The following NEK1 variants were observed in gnomAD, a reference collection of about 807,000 sequenced individuals.
The protein encoded by NEK1 is NIMA related kinase 1, also known as serine/threonine-protein kinase Nek1.
Under a neutral mutation model 182.1 loss-of-function variants are expected in NEK1, and 137 were observed. The ratio of observed to expected loss-of-function variants is 0.75; its 90% CI spans 0.65 to 0.87. The LOEUF (loss-of-function observed/expected upper bound fraction) is 0.87. Among genes scored for constraint, NEK1 ranks in the 40% least tolerant of loss-of-function variants. The pLI is 0.00. For synonymous variants in NEK1, 513 were observed against 492.2 expected, an observed-to-expected ratio of 1.04 and a Z score of -0.56; for missense variants, 1,391 against 1,494.4, an observed-to-expected ratio of 0.93 and a Z score of 1.14.
intron 29 of NEK1, among the ~76,000 whole-genome samples, chr4:169,427,335 C>A (rs1333168279): frequency 6.6e-6 from 1 of 152,066 alleles, no homozygotes; most frequent in Non-Finnish European, 1.5e-5. Context: ...ATCGTGTTAG[C>A]CAGGATGGTC....
intron 19 of NEK1, among the ~76,000 whole-genome samples, chr4:169,531,783 G>A (rs950139050): frequency 1.3e-5 from 2 of 152,030 alleles, no homozygotes; most frequent in African/African-American, 4.8e-5. Context: ...GGTTCCATAG[G>A]GAAGACAGGC....
chr4:169,446,876 C>T (rs1740674201), intron 27 of NEK1, among the ~76,000 whole-genome samples: 1 of 151,766 alleles, frequency 6.6e-6, no homozygotes. Context: ...AGACAAAAAA[C>T]AATTGAAAAT....
chr4:169,602,641 C>A lies in NEK1; in HGVS notation c.-11G>T, dbSNP rs780000635. Reference sequence around the variant, plus strand: ...AACATACTTCTCCATGATTCTTTTTCTAAGGCATCTTTACAGATATGCTAG... The same window carrying A: ...AACATACTTCTCCATGATTCTTTTTATAAGGCATCTTTACAGATATGCTAG... On this transcript the variant is annotated 5_prime_UTR_variant, in exon 3 of 36. An upstream open reading frame in the 5' UTR loses its in-frame stop. Transcript: ENST00000507142. The A allele has an allele frequency of 7.0e-7, 1 of 1,432,976 alleles. No individual in the cohort carries two copies. Among genetic ancestry groups the A allele is most frequent in the South Asian group, 1.2e-5 (1 of 86,104 alleles). The allele number at this position is 1,432,976 out of a possible 1,614,324, so 88.8% of individuals were successfully genotyped here.
At chr4:169,538,481 CT>C (rs1316892820) in intron 18 of NEK1, among the ~76,000 whole-genome samples, 2 of 152,082 alleles carry the variant, frequency 1.3e-5, no homozygotes, top group Non-Finnish European at 2.9e-5. Flanking sequence ...TCCAATTTTA[CT>C]TTTGTGTCTT....
At chr4:169,554,914 ACT>A (rs1185992901) in intron 18 of NEK1, 1 of 152,098 alleles carries the variant, frequency 6.6e-6, no homozygotes, top group Non-Finnish European at 1.5e-5. Context: ...GTACATAGGA[ACT>A]CTCTGTACTT....
intron 11 of NEK1, among the ~76,000 whole-genome samples, chr4:169,577,715 C>A (rs1765935392): frequency 6.6e-6 from 1 of 151,982 alleles, no homozygotes; most frequent in Non-Finnish European, 1.5e-5. Context: ...GATTGCGCCA[C>A]TGCACTCCAG....
chr4:169,560,394 C>T (rs1464779293), intron 16 of NEK1, among the ~76,000 whole-genome samples: 3 of 152,180 alleles, frequency 2.0e-5, no homozygotes, highest in Non-Finnish European at 2.9e-5. Flanking sequence ...TGTTTACTAT[C>T]TTCCAGGTGA....
At chr4:169,451,664 A>C (rs552500563) in intron 27 of NEK1, among the ~76,000 whole-genome samples, 4 of 152,358 alleles carry the variant, frequency 2.6e-5, no homozygotes, top group Admixed American at 6.5e-5. Context: ...TATAGCACTA[A>C]ATGCCCACAA....
chr4:169,499,663 T>A (rs191897043), intron 23 of NEK1, among the ~76,000 whole-genome samples: 1 of 152,242 alleles, frequency 6.6e-6, no homozygotes, highest in African/African-American at 2.4e-5. Context: ...TTGCTGGAGA[T>A]CCACTCCAGA....
intron 31 of NEK1, among the ~76,000 whole-genome samples, chr4:169,412,889 G>A (rs1308395438): frequency 6.6e-6 from 1 of 151,498 alleles, no homozygotes; most frequent in Non-Finnish European, 1.5e-5. Flanking sequence ...GGTGGTGGGG[G>A]GAGGGAGGGA....
chr4:169,398,157 T>A (rs1003681304), intron 35 of NEK1, among the ~76,000 whole-genome samples: 1 of 152,196 alleles, frequency 6.6e-6, no homozygotes, highest in Admixed American at 6.5e-5. Context: ...AAGGTCTCAA[T>A]AAAATAAGAA....
intron 31 of NEK1, among the ~76,000 whole-genome samples, chr4:169,411,856 AC>A (rs1733730481): frequency 6.6e-6 from 1 of 152,144 alleles, no homozygotes; most frequent in Non-Finnish European, 1.5e-5. Flanking sequence ...TGGCCTACAG[AC>A]CATTCACTGC....
chr4:169,526,260 G>A (rs1756879604), intron 19 of NEK1, among the ~76,000 whole-genome samples: 1 of 152,252 alleles, frequency 6.6e-6, no homozygotes, highest in African/African-American at 2.4e-5. Flanking sequence ...AGACTGACAT[G>A]GGAGGATAAC....
intron 27 of NEK1, among the ~76,000 whole-genome samples, chr4:169,451,356 C>T (rs996989271): frequency 1.3e-5 from 2 of 152,194 alleles, no homozygotes; most frequent in South Asian, 4.1e-4. Flanking sequence ...CCACATAGCC[C>T]TTATTCTAAA....
Position 169,587,604 on chromosome 4 carries a change from C to T in NEK1, c.561G>A (p.Trp187Ter). 6.5e-7 allele frequency: 1 copy of T among 1,541,424 alleles called. No individual in the cohort carries two copies. The highest frequency in any genetic ancestry group is 1.2e-5 in the South Asian group (1 of 81,444). The change falls in exon 9 of 36, where the codon TGG (tryptophan) becomes TGA (stop). Residue 187 changes from tryptophan to a stop codon, truncating the protein, a stop_gained. Coordinates refer to ENST00000507142, the MANE Select transcript of NEK1 (RefSeq NM_001199397.3). LOFTEE classifies it high-confidence loss of function. ...GCTCATAAAGGACACACCCCAGAGC[C>T]CAAATGTCACTGGAGAAGATAAAAA... ...NKPYNNKSDI[W>*]ALGCVLYELC...
chr4:169,467,153 A>C (rs1191444800), intron 26 of NEK1, among the ~76,000 whole-genome samples: 1 of 152,124 alleles, frequency 6.6e-6, no homozygotes, highest in Non-Finnish European at 1.5e-5. Context: ...TATTATGAGA[A>C]TATAGTATAT....
intron 12 of NEK1, among the ~76,000 whole-genome samples, chr4:169,562,725 G>T (rs1373103463): frequency 6.6e-6 from 1 of 152,002 alleles, no homozygotes; most frequent in African/African-American, 2.4e-5. Context: ...TTACATACAT[G>T]TAATATTAAT....
At chr4:169,543,435 G>A (rs1236452278) in intron 18 of NEK1, among the ~76,000 whole-genome samples, 1 of 152,156 alleles carries the variant, frequency 6.6e-6, no homozygotes, top group Admixed American at 6.5e-5. Context: ...CTCCAGCTTT[G>A]TTCTTCTTGC....
At chr4:169,490,771 TAGAGAA>T (rs1561282350) in intron 23 of NEK1, among the ~76,000 whole-genome samples, 1 of 151,306 alleles carries the variant, frequency 6.6e-6, no homozygotes, top group Admixed American at 6.6e-5. Flanking sequence ...GTTGCCCAGA[TAGAGAA>T]AAAGTGAAGA....
Sources: allele counts gnomAD v4.1 joint callset (sites outside exome capture counted in the v4.1 genomes callset), GRCh38; gene constraint gnomAD v4.1.1; transcripts MANE v1.5; gene names NCBI Gene and HGNC (gene_info 2026-07-23, HGNC 2026-07-21).